The following SLC41A1 variants were observed in gnomAD, a reference collection of about 807,000 sequenced individuals.
SLC41A1 encodes the protein solute carrier family 41 member 1.
SLC41A1 carries 20 observed loss-of-function variants against 47.3 expected under a neutral mutation model. That is an observed-to-expected ratio of 0.42 (90% CI 0.30 to 0.61). The LOEUF (loss-of-function observed/expected upper bound fraction) is 0.61, where lower values mean the gene tolerates loss of function less well. Ranked by LOEUF, SLC41A1 falls within the 20% of genes least tolerant of loss-of-function variation. SLC41A1 has a pLI of 0.17. For synonymous variants in SLC41A1, 282 were observed against 272.7 expected (o/e 1.03, Z -0.34); for missense variants, 504 against 674.1 (o/e 0.75, Z 2.79).
chr1:205,793,475 A>C lies in SLC41A1; in HGVS notation c.1356+1395T>G, dbSNP rs149198363. Among the ~76,000 whole-genome samples the C allele has an allele frequency of 9.9e-3, 1,507 of 152,326 alleles. 14 individuals carry two copies. The highest frequency in any genetic ancestry group is 0.026 in the South Asian group (125 of 4,824). ...TGCACTGGAACCCACTAGCAATGGAATGTGGCAGCTTGGCTAACTGCTGCA... is the reference window on the plus strand; with the variant it reads ...TGCACTGGAACCCACTAGCAATGGACTGTGGCAGCTTGGCTAACTGCTGCA... On this transcript the variant is annotated intron_variant, in intron 10 of 10. Transcript: ENST00000367137.
intron 10 of SLC41A1, among the ~76,000 whole-genome samples, chr1:205,793,233 G>A (rs1655665272): frequency 1.3e-5 from 2 of 152,192 alleles, no homozygotes; most frequent in African/African-American, 4.8e-5. Flanking sequence ...CTGGGAGGAG[G>A]TGGCAAAGGG....
chr1:205,800,862 T>A, intron 3 of SLC41A1, 91 bp downstream of exon 3: 1 of 1,227,640 alleles, frequency 8.1e-7, no homozygotes, highest in Non-Finnish European at 1.2e-6. Flanking sequence ...GCCTGGGCAG[T>A]GGAGAAGGGC....
chr1:205,795,907 C>T, intron 8 of SLC41A1: 1 of 305,568 alleles, frequency 3.3e-6, no homozygotes. Flanking sequence ...CTGAGCAGAC[C>T]CAGGCATCCT....
intron 3 of SLC41A1, 85 bp from the exon 4 acceptor site, chr1:205,799,915 G>A: frequency 2.6e-6 from 3 of 1,167,656 alleles, no homozygotes; most frequent in South Asian, 2.5e-5. Flanking sequence ...TAGATCATGA[G>A]GCAGTACATG....
intron 2 of SLC41A1, among the ~76,000 whole-genome samples, chr1:205,808,464 C>T (rs73082316): frequency 0.014 from 2,129 of 152,340 alleles, 21 homozygotes; most frequent in South Asian, 0.026. Context: ...ACTACCATTA[C>T]TATTATCCAG....
chr1:205,810,515 A>T lies in SLC41A1; in HGVS notation c.-74T>A. On this transcript the variant is annotated 5_prime_UTR_variant, in exon 2 of 11. Transcript: ENST00000367137. The surrounding 1 kb of genome is among the most constrained non-coding windows in gnomAD (Gnocchi z 5.5). ...TTTCTCTCTTCTTCTCTAACTTGGG[A>T]AAGAACTTAGTCTTGGGGTGAACCC... The T allele has an allele frequency of 6.2e-7, 1 of 1,610,562 alleles. No homozygotes were observed. Among genetic ancestry groups the T allele is most frequent in the Non-Finnish European group, 8.5e-7 (1 of 1,179,764 alleles).
Position 205,789,820 on chromosome 1 carries a change from T to C in SLC41A1, c.*1713A>G, listed in dbSNP as rs1655578313. 6.6e-6 allele frequency: 1 copy of C among 152,206 alleles called. No individual in the cohort carries two copies. Among genetic ancestry groups the C allele is most frequent in the African/African-American group, 2.4e-5 (1 of 41,448 alleles). 9.4% of individuals were successfully genotyped at this position (152,206 alleles called of 1,614,324 possible). On this transcript the variant is annotated 3_prime_UTR_variant, in exon 11 of 11. Coordinates refer to ENST00000367137, the MANE Select transcript of SLC41A1 (RefSeq NM_173854.6). Reference sequence around the variant, plus strand: ...TAGAAACAGGATCATTGCCTAAGCCTTCCCTTGGAGGTGGGCCCTTGAGGC... The same window carrying C: ...TAGAAACAGGATCATTGCCTAAGCCCTCCCTTGGAGGTGGGCCCTTGAGGC...
At chr1:205,800,236 A>C (rs1655849027) in intron 3 of SLC41A1, among the ~76,000 whole-genome samples, 1 of 152,212 alleles carries the variant, frequency 6.6e-6, no homozygotes, top group Admixed American at 6.5e-5. Context: ...CTGAGGCTCC[A>C]AGAGTATTTG....
At position 205,813,137 on chromosome 1, in the gene SLC41A1, T is replaced by C; in HGVS notation, c.-976A>G. The stretch of plus-strand genomic sequence containing the variant: ...GAGCTCACGCGCCCCCAATCGCTTC[T>C]TGCCCGCGGACTCGGGCCCAACTGG... On this transcript the variant is annotated 5_prime_UTR_variant, in exon 1 of 11. Transcript: ENST00000367137. The C allele has an allele frequency of 1.0e-6, 1 of 985,578 alleles. No individual in the cohort carries two copies. Among genetic ancestry groups the C allele is most frequent in the Non-Finnish European group, 1.2e-6 (1 of 830,064 alleles). 61.1% of individuals were successfully genotyped at this position (985,578 alleles called of 1,614,324 possible). A position where few individuals can be genotyped will look rare whatever the true frequency, so the allele number is the denominator to read the frequency against.
intron 2 of SLC41A1, among the ~76,000 whole-genome samples, chr1:205,802,294 C>A (rs1344701566): frequency 6.6e-6 from 1 of 152,208 alleles, no homozygotes; most frequent in South Asian, 2.1e-4. Flanking sequence ...CCCCAGTACA[C>A]CTCCTCACGT....
At chr1:205,795,832 C>T in intron 8 of SLC41A1, 1 of 391,664 alleles carries the variant, frequency 2.6e-6, no homozygotes, top group South Asian at 2.2e-5. Context: ...GGGCACCTGC[C>T]TTCCTACACA....
At position 205,795,499 on chromosome 1, in the gene SLC41A1, T is replaced by G. The variant is rs1655730289; in HGVS notation, c.1073-21A>C. The G allele has an allele frequency of 2.5e-6, 4 of 1,613,958 alleles. No individual in the cohort carries two copies. The South Asian group carries it at 3.3e-5, about 13-fold the overall frequency. On this transcript the variant is annotated intron_variant, in intron 8 of 10. Transcript: ENST00000367137. ...AACACCTGCAGAGACACATACGGGC[T>G]TAGACACAGACAGAGGTCAGAGGGA... is the stretch of plus-strand genomic sequence containing the variant.
At chr1:205,797,543 A>G (rs1338339720) in intron 7 of SLC41A1, among the ~76,000 whole-genome samples, 1 of 152,216 alleles carries the variant, frequency 6.6e-6, no homozygotes, top group East Asian at 1.9e-4. Flanking sequence ...ACTTTGTGGA[A>G]CTGTTGGGGG....
At position 205,798,745 on chromosome 1, in the gene SLC41A1, G is replaced by A. The variant is rs767856178; in HGVS notation, c.768C>T (p.Pro256=). Residue 256 remains proline (P), a synonymous_variant, in exon 6 of 11, where the codon CCC becomes CCT. Coordinates refer to ENST00000367137, the MANE Select transcript of SLC41A1 (RefSeq NM_173854.6). ...TGAGGTCGCCCAGGCTGGCAGCAAT[G>A]GGTGTGGCCACGTTGTCTGGGTTGA... is the stretch of plus-strand genomic sequence containing the variant. ...IGINPDNVAT[P]IAASLGDLIT... The A allele has an allele frequency of 2.5e-5, 40 of 1,614,050 alleles. No individual in the cohort carries two copies. Among genetic ancestry groups the A allele is most frequent in the Non-Finnish European group, 3.4e-6 (4 of 1,180,046 alleles).
At chr1:205,800,465 G>C (rs1655853621) in intron 3 of SLC41A1, among the ~76,000 whole-genome samples, 1 of 152,216 alleles carries the variant, frequency 6.6e-6, no homozygotes, top group African/African-American at 2.4e-5. Flanking sequence ...GGAATGACGA[G>C]CAGCTCCTCT....
chr1:205,799,712 G>C (rs1655831368), intron 4 of SLC41A1, 47 bp downstream of exon 4: 1 of 1,596,666 alleles, frequency 6.3e-7, no homozygotes, highest in Admixed American at 1.7e-5. Context: ...AGAGATTCCT[G>C]ACTAAGGGGA....
rs1308813841 is a variant in SLC41A1 at position 205,796,820 on chromosome 1, T to C, written c.1072+104A>G. The C allele has an allele frequency of 3.5e-6, 4 of 1,150,882 alleles. No individual in the cohort carries two copies. The South Asian group carries it at 5.3e-5, about 15-fold the overall frequency. 71.3% of individuals were successfully genotyped at this position (1,150,882 alleles called of 1,614,324 possible). ...GAACCATCTGAGCTAGATTCTCGTCTGCTGGAACCCTGACTGATACAGAAA... is the reference window on the plus strand; with the variant it reads ...GAACCATCTGAGCTAGATTCTCGTCCGCTGGAACCCTGACTGATACAGAAA... On this transcript the variant is annotated intron_variant, in intron 8 of 10. Coordinates refer to ENST00000367137, the MANE Select transcript of SLC41A1 (RefSeq NM_173854.6).
At chr1:205,801,763 A>G (rs1265682386) in intron 2 of SLC41A1, among the ~76,000 whole-genome samples, 4 of 152,226 alleles carry the variant, frequency 2.6e-5, no homozygotes, top group Non-Finnish European at 4.4e-5. Flanking sequence ...AGGAGACCTG[A>G]GTTCTAGTCC....
chr1:205,798,883 G>C, intron 5 of SLC41A1, 68 bp from the exon 6 acceptor site: 15 of 1,614,166 alleles, frequency 9.3e-6, no homozygotes, highest in Non-Finnish European at 1.3e-5. Context: ...CAAACAAAAA[G>C]AGAGAGTGGA....
Sources: allele counts gnomAD v4.1 joint callset (sites outside exome capture counted in the v4.1 genomes callset), GRCh38; gene constraint gnomAD v4.1.1; non-coding constraint Gnocchi (gnomAD v3.1); transcripts MANE v1.5; gene names NCBI Gene and HGNC (gene_info 2026-07-23, HGNC 2026-07-21).